The following TRIOBP variants were observed in gnomAD, a reference collection of about 807,000 sequenced individuals.
TRIOBP encodes the protein TRIO and F-actin-binding protein.
In TRIOBP, 169 loss-of-function variants were observed where a neutral mutation model predicts 238.8. The observed-to-expected ratio is 0.71, with a 90% CI of 0.62 to 0.80. TRIOBP has a LOEUF of 0.80. Among genes scored for constraint, TRIOBP ranks in the 30% least tolerant of loss-of-function variants. The probability of loss-of-function intolerance (pLI) is 0.00; values close to 1 mark genes in which losing one functional copy is unlikely to be tolerated. For synonymous variants in TRIOBP, 1,150 were observed against 1,274.4 expected, an observed-to-expected ratio of 0.90 and a Z score of 2.08; for missense variants, 2,838 against 3,122.6, an observed-to-expected ratio of 0.91 and a Z score of 2.17.
At chr22:37,729,207 C>G (rs760355100) in intron 7 of TRIOBP, among the ~76,000 whole-genome samples, 4 of 151,188 alleles carry the variant, frequency 2.6e-5, no homozygotes, top group Admixed American at 2.6e-4. Context: ...CGTGAGCCAC[C>G]GTGCCTGGTC....
At chr22:37,700,402 C>T (rs56170747) in intron 2 of TRIOBP, among the ~76,000 whole-genome samples, 8,430 of 151,722 alleles carry the variant, frequency 0.056, 748 homozygotes, top group African/African-American at 0.19. Flanking sequence ...CTCTGCCTCC[C>T]GAGTAGCTTG....
intron 17 of TRIOBP, chr22:37,759,924 T>A (rs1343687516): frequency 3.8e-6 from 1 of 264,244 alleles, no homozygotes; most frequent in Non-Finnish European, 6.5e-6. Context: ...GTACACAATT[T>A]ACAAATAAAA....
intron 9 of TRIOBP, among the ~76,000 whole-genome samples, chr22:37,736,245 A>G (rs1241944806): frequency 6.6e-6 from 1 of 152,184 alleles, no homozygotes; most frequent in Admixed American, 6.5e-5. Flanking sequence ...CACCCTGGCA[A>G]TAGCTCATTG....
intron 17 of TRIOBP, among the ~76,000 whole-genome samples, 179 bp from the exon 18 acceptor site, chr22:37,765,491 G>C (rs560820328): frequency 4.0e-5 from 6 of 151,712 alleles, no homozygotes; most frequent in Non-Finnish European, 7.4e-5. Context: ...GACAAGGTGA[G>C]GTTTGTGAAT....
chr22:37,756,784 A>C (rs1316731710), intron 15 of TRIOBP, among the ~76,000 whole-genome samples: 1 of 139,496 alleles, frequency 7.2e-6, no homozygotes, highest in Non-Finnish European at 1.5e-5. Flanking sequence ...CCACGTACCC[A>C]GCTATGACTG....
intron 7 of TRIOBP, among the ~76,000 whole-genome samples, chr22:37,727,053 C>T (rs531785019): frequency 5.3e-5 from 8 of 151,860 alleles, no homozygotes; most frequent in African/African-American, 1.2e-4. Context: ...ATTACAGGCA[C>T]GTGCCACCAC....
rs568411782 is a variant in TRIOBP at position 37,776,290 on chromosome 22, G to T, written c.*2510G>T. On this transcript the variant is annotated 3_prime_UTR_variant, in exon 24 of 24. Coordinates refer to ENST00000644935, the MANE Select transcript of TRIOBP (RefSeq NM_001039141.3). The stretch of plus-strand genomic sequence containing the variant: ...AGAGGAGAAGGTCTGCCAGTACCAA[G>T]TGCTGGTGGGGATACGGAGAAGAGC... 1 of 152,378 alleles carries T rather than the reference G, an allele frequency of 6.6e-6. No homozygotes were observed. The highest frequency in any genetic ancestry group is 1.5e-5 in the Non-Finnish European group (1 of 68,048). The allele number at this position is 152,378 out of a possible 1,614,324, so 9.4% of individuals were successfully genotyped here.
rs530042023 is a variant in TRIOBP, at chr22:37,776,092, C to G, written c.*2312C>G. On this transcript the variant is annotated 3_prime_UTR_variant, in exon 24 of 24. Coordinates refer to ENST00000644935, the MANE Select transcript of TRIOBP (RefSeq NM_001039141.3). ...CCTCCCTTCTAGCCTCAACCTAACT[C>G]AGGGCTCCCCCGTCTCACACCTGGG... 1 of 152,460 alleles carries G rather than the reference C, an allele frequency of 6.6e-6. No individual in the cohort carries two copies. The highest frequency in any genetic ancestry group is 2.4e-5 in the African/African-American group (1 of 41,564). 9.4% of individuals were successfully genotyped at this position (152,460 alleles called of 1,614,324 possible).
intron 3 of TRIOBP, among the ~76,000 whole-genome samples, chr22:37,709,835 C>G (rs1423996092): frequency 1.3e-5 from 2 of 152,204 alleles, no homozygotes; most frequent in African/African-American, 2.4e-5. Context: ...CCCTCCAGCC[C>G]TGGATCCCCT....
intron 11 of TRIOBP, among the ~76,000 whole-genome samples, chr22:37,749,749 C>T (rs1449775385): frequency 6.9e-6 from 1 of 144,062 alleles, no homozygotes; most frequent in African/African-American, 2.6e-5. Context: ...GAGTTTGAAA[C>T]CAACCTGGGA....
rs1242798913 is a variant in TRIOBP at position 37,715,746 on chromosome 22, C to T, written c.457-17C>T. The T allele has an allele frequency of 6.2e-7, 1 of 1,613,344 alleles. No homozygotes were observed. On this transcript the variant is annotated splice_polypyrimidine_tract_variant and intron_variant, in intron 5 of 23. Transcript: ENST00000644935. The stretch of plus-strand genomic sequence containing the variant: ...TTTTCTCCCGCAAACATACTTTCTC[C>T]TCCCCTTCTCTGGCAGGACTGGGAC...
intron 7 of TRIOBP, among the ~76,000 whole-genome samples, chr22:37,727,938 C>T (rs1924254456): frequency 6.6e-6 from 1 of 152,090 alleles, no homozygotes; most frequent in South Asian, 2.1e-4. Context: ...ACAACAGCAA[C>T]AAAAAGCAGT....
intron 11 of TRIOBP, 140 bp from the exon 12 acceptor site, chr22:37,751,632 G>A (rs1351615306): frequency 3.4e-6 from 3 of 885,486 alleles, no homozygotes; most frequent in Non-Finnish European, 5.4e-6. Context: ...GGTTACCTAG[G>A]GCCTTAGCCC....
intron 11 of TRIOBP, chr22:37,746,304 G>A: frequency 1.8e-6 from 2 of 1,113,828 alleles, no homozygotes; most frequent in Non-Finnish European, 2.2e-6. Flanking sequence ...GCGGCGGGCG[G>A]CCGAGAGGGG....
intron 16 of TRIOBP, among the ~76,000 whole-genome samples, chr22:37,758,916 T>C (rs1468142385): frequency 6.6e-6 from 1 of 152,200 alleles, no homozygotes; most frequent in Non-Finnish European, 1.5e-5. Context: ...TCTAGCCTTC[T>C]CTGGGCCAAG....
intron 6 of TRIOBP, among the ~76,000 whole-genome samples, chr22:37,721,441 G>A (rs1046414537): frequency 6.6e-6 from 1 of 152,224 alleles, no homozygotes; most frequent in Non-Finnish European, 1.5e-5. Context: ...GGCGTGAAGG[G>A]AGGGGATCTG....
At chr22:37,699,220 C>T (rs1048584035) in intron 2 of TRIOBP, among the ~76,000 whole-genome samples, 1 of 152,154 alleles carries the variant, frequency 6.6e-6, no homozygotes, top group African/African-American at 2.4e-5. Flanking sequence ...CACAAACTTG[C>T]TGTGTGACTT....
chr22:37,771,826 C>A, intron 22 of TRIOBP, 90 bp downstream of exon 22: 2 of 1,147,996 alleles, frequency 1.7e-6, no homozygotes, highest in Non-Finnish European at 2.6e-6. Flanking sequence ...CCAAGCCCTC[C>A]ACTCGCTTCA....
chr22:37,759,672 C>T (rs1926140615), intron 17 of TRIOBP: 2 of 1,522,634 alleles, frequency 1.3e-6, no homozygotes, highest in Non-Finnish European at 1.8e-6. Context: ...GCCCACTGGG[C>T]CAAGGCCCCA....
Sources: allele counts gnomAD v4.1 joint callset (sites outside exome capture counted in the v4.1 genomes callset), GRCh38; gene constraint gnomAD v4.1.1; transcripts MANE v1.5; gene names NCBI Gene and HGNC (gene_info 2026-07-23, HGNC 2026-07-21).